Variants in LUZP2 observed in about 807,000 individuals in gnomAD.
The protein encoded by LUZP2 is leucine zipper protein 2.
Under a neutral mutation model 51.6 loss-of-function variants are expected in LUZP2, and 52 were observed. That is an observed-to-expected ratio of 1.01 (90% confidence interval 0.81 to 1.27). The LOEUF (loss-of-function observed/expected upper bound fraction) is 1.27. LUZP2 is among the 50% of genes most tolerant of loss of function. LUZP2 has a pLI of 0.00. For synonymous variants in LUZP2, 154 were observed against 137.3 expected, an observed-to-expected ratio of 1.12 and a Z score of -0.85; for missense variants, 436 against 395.4, an observed-to-expected ratio of 1.10 and a Z score of -0.87.
intron 1 of LUZP2, among the ~76,000 whole-genome samples, chr11:24,536,009 T>A (rs1851165846): frequency 1.3e-5 from 2 of 151,744 alleles, no homozygotes. Context: ...AATCTCCTTG[T>A]ACGTGTCCAT....
chr11:24,607,028 T>G (rs1391990927), intron 1 of LUZP2, among the ~76,000 whole-genome samples: 2 of 152,032 alleles, frequency 1.3e-5, no homozygotes, highest in Non-Finnish European at 2.9e-5. Context: ...ACGACTTCCT[T>G]ATATATTTTG....
chr11:24,517,290 C>T (rs1336192583), intron 1 of LUZP2, among the ~76,000 whole-genome samples: 3 of 151,542 alleles, frequency 2.0e-5, no homozygotes, highest in Non-Finnish European at 2.9e-5. Flanking sequence ...TCGAGACCAT[C>T]CTGGCTAACA....
chr11:25,042,779 A>G (rs1858113093), intron 9 of LUZP2, among the ~76,000 whole-genome samples: 2 of 152,022 alleles, frequency 1.3e-5, no homozygotes, highest in South Asian at 2.1e-4. Context: ...CTTGCCTTCT[A>G]TTCCATGTTT....
At chr11:24,507,908 T>C (rs1412186648) in intron 1 of LUZP2, among the ~76,000 whole-genome samples, 2 of 151,956 alleles carry the variant, frequency 1.3e-5, no homozygotes, top group African/African-American at 4.8e-5. Context: ...CCAGTCATAT[T>C]GCCCTAGTGC....
chr11:24,568,924 T>C (rs1462642916), intron 1 of LUZP2, among the ~76,000 whole-genome samples: 2 of 151,986 alleles, frequency 1.3e-5, no homozygotes, highest in African/African-American at 4.8e-5. Context: ...ATGACAGCCA[T>C]AATTAGAATT....
intron 9 of LUZP2, among the ~76,000 whole-genome samples, chr11:24,986,835 A>C (rs543342947): frequency 6.6e-6 from 1 of 151,874 alleles, no homozygotes; most frequent in South Asian, 2.1e-4. Context: ...CAGAAAACAT[A>C]TCACCAAGAA....
intron 1 of LUZP2, among the ~76,000 whole-genome samples, chr11:24,599,458 T>C (rs551180275): frequency 1.6e-4 from 25 of 152,276 alleles, no homozygotes; most frequent in Non-Finnish European, 3.5e-4. Flanking sequence ...CAGAAAATTC[T>C]TACTTTATTT....
At chr11:24,649,973 A>AGG (rs71951118) in intron 1 of LUZP2, among the ~76,000 whole-genome samples, 3 of 25,308 alleles carry the variant, frequency 1.2e-4, no homozygotes, top group Non-Finnish European at 2.9e-4. Context: ...ACATACACAC[A>AGG]GAGACACACA....
chr11:25,036,272 T>C (rs1857857072), intron 9 of LUZP2, among the ~76,000 whole-genome samples: 1 of 152,160 alleles, frequency 6.6e-6, no homozygotes, highest in African/African-American at 2.4e-5. Context: ...GAGCTTTTCA[T>C]AGTCTTTGAG....
In LUZP2 at chr11:24,878,781, C is replaced by A. The variant is rs375445842; in HGVS notation, c.397-27210C>A. On this transcript the variant is annotated intron_variant, in intron 5 of 11. Coordinates refer to ENST00000336930, the MANE Select transcript of LUZP2 (RefSeq NM_001009909.4). ...ATGTTCCCTCCTTTTGCCCCCCACA[C>A]CCTAACAGGCCCTGGTGTATGCTGT... Among the ~76,000 whole-genome samples, 33 of 151,830 alleles carry A rather than the reference C, an allele frequency of 2.2e-4. 2 individuals carry two copies. The East Asian group carries it at 3.1e-3, about 14-fold the overall frequency.
chr11:24,929,496 G>C (rs1239963036), intron 7 of LUZP2, among the ~76,000 whole-genome samples: 1 of 152,048 alleles, frequency 6.6e-6, no homozygotes, highest in Non-Finnish European at 1.5e-5. Context: ...TTGAGGAGTA[G>C]GTTATTTAAT....
At chr11:24,736,490 TCC>T (rs1858944018) in intron 3 of LUZP2, among the ~76,000 whole-genome samples, 1 of 104,654 alleles carries the variant, frequency 9.6e-6, no homozygotes, top group Non-Finnish European at 2.3e-5. Flanking sequence ...CTTCCTTCCT[TCC>T]TTCCTTCCTT....
chr11:24,775,570 TG>T (rs1848892821), intron 5 of LUZP2, among the ~76,000 whole-genome samples: 1 of 152,190 alleles, frequency 6.6e-6, no homozygotes, highest in South Asian at 2.1e-4. Flanking sequence ...TCAGGGTGGC[TG>T]TCTTATGGAA....
At chr11:24,659,378 A>T (rs1338307349) in intron 1 of LUZP2, among the ~76,000 whole-genome samples, 2 of 152,128 alleles carry the variant, frequency 1.3e-5, no homozygotes, top group Non-Finnish European at 2.9e-5. Context: ...CAATGAGAAC[A>T]CATGGACACA....
intron 7 of LUZP2, among the ~76,000 whole-genome samples, chr11:24,914,979 AT>A (rs1290528146): frequency 3.9e-5 from 6 of 152,302 alleles, no homozygotes; most frequent in Admixed American, 3.3e-4. Flanking sequence ...TTGAATATAG[AT>A]TAGTAATGCA....
At chr11:24,867,836 A>G (rs968137582) in intron 5 of LUZP2, among the ~76,000 whole-genome samples, 2 of 152,194 alleles carry the variant, frequency 1.3e-5, no homozygotes, top group African/African-American at 4.8e-5. Context: ...GAATCAACTT[A>G]AGAGTTCTTT....
At chr11:25,015,319 A>T (rs2133964618) in intron 9 of LUZP2, among the ~76,000 whole-genome samples, 1 of 152,334 alleles carries the variant, frequency 6.6e-6, no homozygotes, top group Non-Finnish European at 1.5e-5. Flanking sequence ...TAATGTTAAC[A>T]TCTTATATAA....
chr11:24,526,265 C>A lies in LUZP2; in HGVS notation c.62+28960C>A, dbSNP rs1327865296. On this transcript the variant is annotated intron_variant, in intron 1 of 11. Transcript: ENST00000336930. Reference sequence around the variant, plus strand: ...TTATATAACTCATGACACTAGGGGGCAAAAAAAAAAAAAGCTCAAGAGTGC... The same window carrying A: ...TTATATAACTCATGACACTAGGGGGAAAAAAAAAAAAAAGCTCAAGAGTGC... Among the ~76,000 whole-genome samples the A allele has an allele frequency of 7.7e-3, 1,089 of 141,118 alleles. 18 individuals carry two copies. The highest frequency in any genetic ancestry group is 0.024 in the African/African-American group (921 of 39,068). 92.6% of individuals were successfully genotyped at this position (141,118 alleles called of 152,430 possible).
chr11:24,646,549 A>C (rs1855468152), intron 1 of LUZP2: 2 of 978,598 alleles, frequency 2.0e-6, no homozygotes, highest in Non-Finnish European at 2.4e-6. Flanking sequence ...TGATTGCAAG[A>C]TGACTGCTTC....
Sources: allele counts gnomAD v4.1 joint callset (sites outside exome capture counted in the v4.1 genomes callset), GRCh38; gene constraint gnomAD v4.1.1; transcripts MANE v1.5; gene names NCBI Gene and HGNC (gene_info 2026-07-23, HGNC 2026-07-21).